Variants in SLC17A1 observed in about 807,000 individuals in gnomAD.
The protein encoded by SLC17A1 is solute carrier family 17 member 1, also known as sodium-dependent phosphate transport protein 1.
In SLC17A1, 51 loss-of-function variants were observed where a neutral mutation model predicts 53.5. That is an observed-to-expected ratio of 0.95 (90% CI 0.76 to 1.20). The LOEUF (loss-of-function observed/expected upper bound fraction) is 1.20, where lower values mean the gene tolerates loss of function less well. Among genes scored for constraint, SLC17A1 ranks in the 50% most tolerant of loss-of-function variants. The pLI, the probability that SLC17A1 is intolerant of heterozygous loss-of-function variation, is 0.00. For missense variants in SLC17A1, 538 were observed against 568.2 expected (o/e 0.95, Z 0.54); for synonymous variants, 179 against 198.8 (o/e 0.90, Z 0.84).
chr6:25,776,377 TA>T, the SLC17A1 span, among the ~76,000 whole-genome samples: 1 of 152,160 alleles, frequency 6.6e-6, no homozygotes, highest in Non-Finnish European at 1.5e-5. Flanking sequence ...AGGTGATTTT[TA>T]TATATAAAGA....
At chr6:25,790,357 T>C (rs1251636864) in intron 12 of SLC17A1, among the ~76,000 whole-genome samples, 1 of 152,168 alleles carries the variant, frequency 6.6e-6, no homozygotes, top group East Asian at 1.9e-4. Flanking sequence ...AAAGTTTTGC[T>C]TCCCTCAAAG....
chr6:25,773,233 T>C, the SLC17A1 span: 1 of 1,456,936 alleles, frequency 6.9e-7, no homozygotes. Context: ...CTGAAAGAAG[T>C]ACTTCAATCC....
intron 11 of SLC17A1, 85 bp downstream of exon 11, chr6:25,800,805 A>G (rs1763734319): frequency 1.2e-6 from 1 of 844,516 alleles, no homozygotes; most frequent in African/African-American, 1.7e-5. Flanking sequence ...TCCTTCTGGC[A>G]TCTTCTCTGC....
chr6:25,812,795 C>T (rs372753432), intron 8 of SLC17A1, 36 bp downstream of exon 8: 11 of 1,502,844 alleles, frequency 7.3e-6, no homozygotes, highest in African/African-American at 4.2e-5. Context: ...CAGAGTCTTT[C>T]GTGAAGTTAA....
At chr6:25,796,893 G>C (rs1180231298) in intron 12 of SLC17A1, among the ~76,000 whole-genome samples, 1 of 151,736 alleles carries the variant, frequency 6.6e-6, no homozygotes, top group Non-Finnish European at 1.5e-5. Flanking sequence ...ATTGCTTATC[G>C]CACAGATGAG....
downstream of SLC17A1, chr6:25,777,949 T>C: frequency 6.2e-7 from 1 of 1,613,254 alleles, no homozygotes; most frequent in Non-Finnish European, 8.5e-7. Context: ...CTCAAAGGAC[T>C]ATTGCAAGTC....
chr6:25,731,249 G>A, the SLC17A1 span, among the ~76,000 whole-genome samples: 7 of 152,182 alleles, frequency 4.6e-5, no homozygotes, highest in African/African-American at 1.7e-4. Flanking sequence ...GAAAAGGAGC[G>A]TAAAAAGCAC....
chr6:25,770,407 T>C, the SLC17A1 span: 1 of 1,614,078 alleles, frequency 6.2e-7, no homozygotes, highest in Non-Finnish European at 8.5e-7. Flanking sequence ...CTGGTCAGTA[T>C]TCAATTTGGG....
At chr6:25,769,919 T>G in the SLC17A1 span, 1 of 702,088 alleles carries the variant, frequency 1.4e-6, no homozygotes, top group Non-Finnish European at 2.4e-6. Context: ...ATTTAGGGTT[T>G]TTAAATACAT....
chr6:25,805,264 C>A (rs1763914917), intron 10 of SLC17A1, among the ~76,000 whole-genome samples: 1 of 151,892 alleles, frequency 6.6e-6, no homozygotes, highest in Admixed American at 6.6e-5. Flanking sequence ...GAAAACTATC[C>A]AAATACATGG....
chr6:25,805,298 T>G lies in SLC17A1; in HGVS notation c.1179-4318A>C, dbSNP rs950746983. On this transcript the variant is annotated intron_variant, in intron 10 of 12. Coordinates refer to ENST00000244527, the MANE Select transcript of SLC17A1 (RefSeq NM_005074.5). Reference sequence around the variant, plus strand: ...GGAAATTAATCTGCTCCAGAATGGGTTTTGGGTTAACAATGAAATCAAGAT... The same window carrying G: ...GGAAATTAATCTGCTCCAGAATGGGGTTTGGGTTAACAATGAAATCAAGAT... 2.8e-4 allele frequency among the ~76,000 whole-genome samples: 42 copies of G among 152,032 alleles called. 1 individual carries two copies. Among genetic ancestry groups the G allele is most frequent in the South Asian group, 1.2e-3 (6 of 4,812 alleles).
chr6:25,807,951 A>G (rs1045582453), intron 10 of SLC17A1, among the ~76,000 whole-genome samples: 1 of 151,938 alleles, frequency 6.6e-6, no homozygotes, highest in Non-Finnish European at 1.5e-5. Flanking sequence ...TCTTTTTCAT[A>G]TAATGACTTC....
the SLC17A1 span, chr6:25,761,776 G>C: frequency 1.9e-6 from 1 of 538,578 alleles, no homozygotes; most frequent in Non-Finnish European, 3.3e-6. Flanking sequence ...CAATTGGTTA[G>C]TGATAGAGCC....
At chr6:25,749,398 A>G in the SLC17A1 span, among the ~76,000 whole-genome samples, 1 of 152,226 alleles carries the variant, frequency 6.6e-6, no homozygotes, top group African/African-American at 2.4e-5. Flanking sequence ...TGTTCAGGGT[A>G]CAGGTCAAAA....
chr6:25,748,761 C>T, the SLC17A1 span, among the ~76,000 whole-genome samples: 1 of 152,206 alleles, frequency 6.6e-6, no homozygotes, highest in Non-Finnish European at 1.5e-5. Context: ...GCAAAGGAAT[C>T]TGTGTCACAA....
the SLC17A1 span, among the ~76,000 whole-genome samples, chr6:25,725,008 T>A: frequency 7.8e-4 from 87 of 111,472 alleles, no homozygotes; most frequent in African/African-American, 2.6e-3. Flanking sequence ...TTTTTTTTGG[T>A]AACCAAATGA....
At chr6:25,776,788 T>C in the SLC17A1 span, 1 of 1,614,010 alleles carries the variant, frequency 6.2e-7, no homozygotes, top group Admixed American at 1.7e-5. Flanking sequence ...TTCAGTTTAC[T>C]CTGTGTTTGT....
rs535881773 is a variant in SLC17A1, at chr6:25,798,790, G to A, written c.1399C>T (p.Leu467Phe). The A allele has an allele frequency of 1.9e-6, 3 of 1,606,874 alleles. No homozygotes were observed. The highest frequency in any genetic ancestry group is 1.1e-5 in the South Asian group (1 of 89,590). The change falls in exon 12 of 13, where the codon CTC becomes TTC. Residue 467 changes from leucine to phenylalanine, a missense_variant. Transcript: ENST00000244527. ...DWAKEKQHTRL is the reference protein window; with the variant it reads ...DWAKEKQHTRF ...AATCTGATCACTTCTCACCTTCAGA[G>A]ACGTGTGTGTTGTTTTTCTTTAGCC...
the SLC17A1 span, among the ~76,000 whole-genome samples, chr6:25,751,447 A>G: frequency 2.0e-5 from 3 of 152,244 alleles, no homozygotes; most frequent in South Asian, 6.2e-4. Flanking sequence ...GGGCTTGGCC[A>G]TCTGACTTGC....
Sources: allele counts gnomAD v4.1 joint callset (sites outside exome capture counted in the v4.1 genomes callset), GRCh38; gene constraint gnomAD v4.1.1; transcripts MANE v1.5; gene names NCBI Gene and HGNC (gene_info 2026-07-23, HGNC 2026-07-21).